ANK1: variants seen among roughly 807,000 people sequenced by gnomAD.
ANK1 encodes ankyrin 1.
A neutral mutation model predicts 210.4 loss-of-function variants in ANK1; 51 were observed. The ratio of observed to expected loss-of-function variants is 0.24; its 90% CI spans 0.19 to 0.31. The LOEUF is 0.31. Among genes scored for constraint, ANK1 ranks in the 10% least tolerant of loss-of-function variants. The probability of loss-of-function intolerance (pLI) is 1.00; values close to 1 mark genes in which losing one functional copy is unlikely to be tolerated. For synonymous variants in ANK1, 967 were observed against 1,025.9 expected (o/e 0.94, Z 1.10); for missense variants, 2,051 against 2,504.4 (o/e 0.82, Z 3.86).
intron 26 of ANK1, 76 bp from the exon 27 acceptor site, chr8:41,695,407 G>A (rs1228426232): frequency 1.4e-5 from 22 of 1,598,340 alleles, no homozygotes; most frequent in Middle Eastern, 1.9e-4. Context: ...TGGGGCTGCC[G>A]GCTCCCACCC....
At chr8:41,853,709 C>A (rs1811667684) in intron 1 of ANK1, among the ~76,000 whole-genome samples, 1 of 152,172 alleles carries the variant, frequency 6.6e-6, no homozygotes, top group African/African-American at 2.4e-5. Context: ...TGGTGAGACA[C>A]AAGCTCACTT....
intron 16 of ANK1, among the ~76,000 whole-genome samples, chr8:41,713,813 C>T (rs1392309446): frequency 6.6e-6 from 1 of 152,190 alleles, no homozygotes; most frequent in African/African-American, 2.4e-5. Context: ...GGGCTCACCA[C>T]TCCCCAGGGA....
intron 2 of ANK1, among the ~76,000 whole-genome samples, chr8:41,751,701 A>C (rs573414838): frequency 1.3e-5 from 2 of 151,684 alleles, no homozygotes; most frequent in East Asian, 3.9e-4. Context: ...ATTCAAAGCC[A>C]CCCCGGGGTC....
intron 1 of ANK1, among the ~76,000 whole-genome samples, chr8:41,838,894 T>C (rs576290663): frequency 6.6e-6 from 1 of 152,146 alleles, no homozygotes; most frequent in East Asian, 1.9e-4. Flanking sequence ...CTGGCCAACA[T>C]GGTGAAACCC....
intron 1 of ANK1, among the ~76,000 whole-genome samples, chr8:41,847,192 A>C (rs1810220086): frequency 6.6e-6 from 1 of 152,226 alleles, no homozygotes; most frequent in South Asian, 2.1e-4. Flanking sequence ...TAACACTAGG[A>C]GTTCACCTCT....
intron 37 of ANK1, among the ~76,000 whole-genome samples, chr8:41,673,511 G>A (rs958459305): frequency 5.3e-5 from 8 of 152,178 alleles, no homozygotes; most frequent in African/African-American, 1.9e-4. Context: ...GGTGTGGCCA[G>A]GCATCACTTT....
intron 40 of ANK1, among the ~76,000 whole-genome samples, chr8:41,662,454 G>A (rs1050076486): frequency 4.6e-5 from 7 of 152,210 alleles, no homozygotes; most frequent in South Asian, 4.1e-4. Flanking sequence ...CCTTGGCAGT[G>A]TCATTTCATG....
Position 41,792,892 on chromosome 8 carries a change from T to A in ANK1, c.27+4620A>T, listed in dbSNP as rs74559884. On this transcript the variant is annotated intron_variant, in intron 1 of 42. Transcript: ENST00000289734. ...AAATAATTTACTGTTCATTCATGAA[T>A]GCAACCAACATTTAATGAGCATCTA... 1.2e-4 allele frequency among the ~76,000 whole-genome samples: 18 copies of A among 152,362 alleles called. No homozygotes were observed. The East Asian group carries it at 3.1e-3, about 26-fold the overall frequency.
intron 1 of ANK1, among the ~76,000 whole-genome samples, chr8:41,888,395 C>T (rs1021070747): frequency 2.6e-5 from 4 of 152,228 alleles, no homozygotes; most frequent in African/African-American, 9.6e-5. Context: ...TCAGACCACC[C>T]GACTTCTTAG....
intron 1 of ANK1, among the ~76,000 whole-genome samples, chr8:41,832,933 A>T (rs764790212): frequency 4.6e-5 from 7 of 152,156 alleles, no homozygotes; most frequent in Non-Finnish European, 8.8e-5. Context: ...TTCTTGGCTC[A>T]TCTCCTGGGA....
intron 20 of ANK1, among the ~76,000 whole-genome samples, chr8:41,703,450 A>ATATATATATATATATATATATAT (rs59985416): frequency 6.8e-5 from 4 of 58,820 alleles, no homozygotes; most frequent in South Asian, 6.3e-4. Flanking sequence ...ATATATATAT[A>ATATATATATATATATATATATAT]TTTTTTTTTT....
rs532085676 is a variant in ANK1 at position 41,893,521 on chromosome 8, C to G, written c.126+2834G>C. On this transcript the variant is annotated intron_variant, in intron 1 of 42. Transcript: ENST00000265709. ...CACAGCACCCCTTAGCAAGCACCTT[C>G]CCACACAATATCATCAACTGTAAAA... Among the ~76,000 whole-genome samples, 4 of 152,340 alleles carry G rather than the reference C, an allele frequency of 2.6e-5. No individual in the cohort carries two copies. In the East Asian group the frequency reaches 7.7e-4, roughly 29 times the overall value.
intron 17 of ANK1, among the ~76,000 whole-genome samples, chr8:41,706,768 G>C (rs540704006): frequency 6.6e-6 from 1 of 152,332 alleles, no homozygotes; most frequent in African/African-American, 2.4e-5. Context: ...AGGAGCGCTG[G>C]AGAAAGCACA....
At chr8:41,813,417 T>C (rs1236820871) in intron 1 of ANK1, among the ~76,000 whole-genome samples, 2 of 152,122 alleles carry the variant, frequency 1.3e-5, no homozygotes, top group Non-Finnish European at 2.9e-5. Flanking sequence ...AGTTTAGAGG[T>C]AGATAAACAT....
intron 2 of ANK1, among the ~76,000 whole-genome samples, chr8:41,753,948 G>T (rs1190984407): frequency 1.3e-5 from 2 of 152,086 alleles, no homozygotes. Flanking sequence ...CACCTTATTT[G>T]CCTCTGCTCC....
At chr8:41,724,983 C>T (rs115822229) in intron 6 of ANK1, among the ~76,000 whole-genome samples, 3,181 of 152,242 alleles carry the variant, frequency 0.021, 121 homozygotes, top group African/African-American at 0.071. Flanking sequence ...CCGCAGCCTC[C>T]CCAGTAGCTG....
chr8:41,779,089 G>A lies in ANK1; in HGVS notation c.27+18423C>T, dbSNP rs181453174. 2.0e-5 allele frequency among the ~76,000 whole-genome samples: 3 copies of A among 152,262 alleles called. No homozygotes were observed. In the East Asian group the frequency reaches 5.8e-4, roughly 29 times the overall value. On this transcript the variant is annotated intron_variant, in intron 1 of 42. Coordinates refer to ENST00000289734, the MANE Select transcript of ANK1 (RefSeq NM_000037.4). ...TGAGGAGGTGACACTTGGGGAGCTG[G>A]ATGCAGGCAGGGATAAGGCAGCAGC...
rs78011620 is a variant in ANK1, at chr8:41,786,080, A to G, written c.27+11432T>C. Among the ~76,000 whole-genome samples, 153 of 152,286 alleles carry G rather than the reference A, an allele frequency of 1.0e-3. 2 individuals carry two copies. The East Asian group carries it at 0.028, about 27-fold the overall frequency. ...TTTTCTCTCCTCCTCCCGAGTTTCC[A>G]AAGCATTGTATCTTGTAGCAGGTTC... On this transcript the variant is annotated intron_variant, in intron 1 of 42. Coordinates refer to ENST00000289734, the MANE Select transcript of ANK1 (RefSeq NM_000037.4).
chr8:41,686,848 C>G (rs1817813693), intron 35 of ANK1, among the ~76,000 whole-genome samples: 2 of 152,156 alleles, frequency 1.3e-5, no homozygotes, highest in African/African-American at 2.4e-5. Context: ...GCCAAAATCC[C>G]CCATTATTTT....
Sources: gnomAD v4.1 joint callset for allele counts (sites outside exome capture counted in the v4.1 genomes callset) on GRCh38, gnomAD v4.1.1 for gene constraint, MANE v1.5 for transcripts, NCBI Gene and HGNC (gene_info 2026-07-23, HGNC 2026-07-21) for gene names.